Variants in NBAS observed in about 807,000 individuals in gnomAD.
The protein encoded by NBAS is NAG/BC035112 fusion.
In NBAS, 219 loss-of-function variants were observed where a neutral mutation model predicts 302.5. The observed-to-expected ratio is 0.72, with a 90% CI of 0.65 to 0.81. The LOEUF (loss-of-function observed/expected upper bound fraction) is 0.81. NBAS is among the 30% of genes least tolerant of loss of function. NBAS has a pLI of 0.00. For synonymous variants in NBAS, 1,118 were observed against 1,021.6 expected (o/e 1.09, Z -1.80); for missense variants, 2,932 against 2,841.6 (o/e 1.03, Z -0.72).
intron 6 of NBAS, among the ~76,000 whole-genome samples, chr2:15,540,800 G>A (rs1323202031): frequency 1.3e-5 from 2 of 151,742 alleles, no homozygotes; most frequent in Non-Finnish European, 2.9e-5. Context: ...TGGGCTCACT[G>A]CAACCTCCAT....
the NBAS span, among the ~76,000 whole-genome samples, chr2:14,950,393 A>C: frequency 6.6e-6 from 1 of 152,206 alleles, no homozygotes; most frequent in African/African-American, 2.4e-5. Flanking sequence ...TACATTTCAA[A>C]ATAGCTAGTA....
chr2:15,218,817 A>G lies in NBAS; in HGVS notation c.6388T>C (p.Phe2130Leu). 1.2e-6 allele frequency: 2 copies of G among 1,614,256 alleles called. No homozygotes were observed. The highest frequency in any genetic ancestry group is 1.7e-6 in the Non-Finnish European group (2 of 1,180,046). The change falls in exon 48 of 52, where the codon TTT becomes CTT. Residue 2130 changes from phenylalanine (F) to leucine (L), a missense_variant. Coordinates refer to ENST00000281513, the MANE Select transcript of NBAS (RefSeq NM_015909.4). ...GCTTTGAGAATGGCTTCAGTTCTAA[A>G]GAACACGAGGAGCTTGCTGTCCTCC... ...TEEDSKLLVF[F>L]RTEAILKASW... is the part of the protein sequence containing the mutation.
At chr2:15,216,627 C>T (rs1666664418) in intron 48 of NBAS, among the ~76,000 whole-genome samples, 4 of 152,190 alleles carry the variant, frequency 2.6e-5, no homozygotes, top group Admixed American at 2.6e-4. Context: ...ATAAAAGTTA[C>T]AACTTGTTTC....
At chr2:15,372,104 T>C (rs1396207654) in intron 31 of NBAS, among the ~76,000 whole-genome samples, 3 of 152,138 alleles carry the variant, frequency 2.0e-5, no homozygotes, top group Non-Finnish European at 4.4e-5. Flanking sequence ...GTGGCAGAAG[T>C]AGCTCCAGGC....
rs77229690 is a variant in NBAS at position 15,352,145 on chromosome 2, A to T, written c.4090-64T>A. 12 of 1,129,280 alleles carry T rather than the reference A, an allele frequency of 1.1e-5. No individual in the cohort carries two copies. In the East Asian group the frequency reaches 2.9e-4, roughly 27 times the overall value. The allele number at this position is 1,129,280 out of a possible 1,614,324, so 70.0% of individuals were successfully genotyped here. A position where few individuals can be genotyped will look rare whatever the true frequency, so the allele number is the denominator to read the frequency against. On this transcript the variant is annotated intron_variant, in intron 34 of 51. Coordinates refer to ENST00000281513, the MANE Select transcript of NBAS (RefSeq NM_015909.4). ...TTTTAAATTTGCTTCTCATCACAAT[A>T]TAGGCTTGAAATTTAAAAAGTACTT...
rs1558267135 is a variant in NBAS, at chr2:15,357,756, A to C, written c.3818-1340T>G. ...TCTTTAAAGCAAGTCTTACATTATT[A>C]ACTTTACCCTGTGTAAACAGGATCA... On this transcript the variant is annotated intron_variant, in intron 32 of 51. Coordinates refer to ENST00000281513, the MANE Select transcript of NBAS (RefSeq NM_015909.4). Among the ~76,000 whole-genome samples the C allele has an allele frequency of 2.0e-5, 3 of 152,316 alleles. No individual in the cohort carries two copies. In the East Asian group the frequency reaches 5.8e-4, roughly 29 times the overall value.
intron 38 of NBAS, among the ~76,000 whole-genome samples, chr2:15,314,135 C>CTTGAAGCTAGGAGT (rs931702521): frequency 6.6e-6 from 1 of 152,154 alleles, no homozygotes; most frequent in Admixed American, 6.5e-5. Flanking sequence ...AGGTGGATCA[C>CTTGAAGCTAGGAGT]TTGAAGCTAG....
chr2:14,791,383 C>T, the NBAS span, among the ~76,000 whole-genome samples: 1 of 152,188 alleles, frequency 6.6e-6, no homozygotes, highest in Non-Finnish European at 1.5e-5. Flanking sequence ...ACACAACCAT[C>T]TCCACCAATA....
the NBAS span, among the ~76,000 whole-genome samples, chr2:15,034,235 G>A: frequency 0.38 from 30,348 of 79,914 alleles, 7,101 homozygotes; most frequent in African/African-American, 0.48. Flanking sequence ...AAAGAAAGAA[G>A]GAAAGAAAGA....
In NBAS at chr2:15,304,181, T is replaced by C. The variant is rs886589290; in HGVS notation, c.4797+4035A>G. Among the ~76,000 whole-genome samples the C allele has an allele frequency of 2.0e-5, 3 of 152,172 alleles. No individual in the cohort carries two copies. In the East Asian group the frequency reaches 5.8e-4, roughly 29 times the overall value. ...AGATAACTGAATCATGAGGGTGGTT[T>C]CCCCCATGCCGTTCTGGTGGTAATG... On this transcript the variant is annotated intron_variant, in intron 40 of 51. Coordinates refer to ENST00000281513, the MANE Select transcript of NBAS (RefSeq NM_015909.4).
chr2:15,500,860 C>A (rs953418464), intron 11 of NBAS, among the ~76,000 whole-genome samples: 1 of 150,362 alleles, frequency 6.7e-6, no homozygotes, highest in African/African-American at 2.5e-5. Flanking sequence ...GGAGGCGGAG[C>A]TTGCAATGAG....
At chr2:15,285,836 G>A (rs1183620870) in intron 42 of NBAS, among the ~76,000 whole-genome samples, 2 of 152,094 alleles carry the variant, frequency 1.3e-5, no homozygotes, top group Admixed American at 6.5e-5. Flanking sequence ...TGTATTTTTA[G>A]TAGAGACAGG....
chr2:15,529,193 A>T (rs940583602), intron 9 of NBAS, among the ~76,000 whole-genome samples: 11 of 151,952 alleles, frequency 7.2e-5, no homozygotes, highest in Admixed American at 6.6e-4. Flanking sequence ...AGGTATTAAT[A>T]ACTACACTTT....
At chr2:14,999,001 T>C in the NBAS span, among the ~76,000 whole-genome samples, 6 of 152,258 alleles carry the variant, frequency 3.9e-5, no homozygotes, top group East Asian at 9.7e-4. Flanking sequence ...TGAGCCTCTC[T>C]CTCCTCTTGG....
At chr2:15,062,793 C>T in the NBAS span, among the ~76,000 whole-genome samples, 1 of 152,302 alleles carries the variant, frequency 6.6e-6, no homozygotes, top group South Asian at 2.1e-4. Context: ...CAAGAACCTG[C>T]CACATGGAAC....
At chr2:14,895,949 A>G in the NBAS span, among the ~76,000 whole-genome samples, 1 of 152,022 alleles carries the variant, frequency 6.6e-6, no homozygotes, top group Non-Finnish European at 1.5e-5. Context: ...CCTCACCATG[A>G]CACAATATAT....
At chr2:15,412,978 T>C (rs1676753015) in intron 25 of NBAS, among the ~76,000 whole-genome samples, 1 of 152,224 alleles carries the variant, frequency 6.6e-6, no homozygotes, top group Admixed American at 6.5e-5. Flanking sequence ...AAGCCCTATC[T>C]TACTGCAACT....
At chr2:15,081,681 C>T in the NBAS span, among the ~76,000 whole-genome samples, 9 of 152,208 alleles carry the variant, frequency 5.9e-5, no homozygotes, top group African/African-American at 1.9e-4. Flanking sequence ...TCTTCCCTAT[C>T]GTGTGTAATT....
intron 38 of NBAS, among the ~76,000 whole-genome samples, chr2:15,324,318 C>T (rs1317357859): frequency 6.6e-6 from 1 of 152,170 alleles, no homozygotes; most frequent in African/African-American, 2.4e-5. Flanking sequence ...ACTATCGCTT[C>T]ATCTCTCCAC....
Sources: gnomAD v4.1 joint callset for allele counts (sites outside exome capture counted in the v4.1 genomes callset) on GRCh38, gnomAD v4.1.1 for gene constraint, MANE v1.5 for transcripts, NCBI Gene and HGNC (gene_info 2026-07-23, HGNC 2026-07-21) for gene names.